Variants in CDC42BPG observed in about 807,000 individuals in gnomAD.
CDC42BPG encodes serine/threonine-protein kinase MRCK gamma.
Under a neutral mutation model 192.2 loss-of-function variants are expected in CDC42BPG, and 157 were observed. The ratio of observed to expected loss-of-function variants is 0.82; its 90% CI spans 0.72 to 0.93. The LOEUF (loss-of-function observed/expected upper bound fraction) is 0.93, where lower values mean the gene tolerates loss of function less well. Ranked by LOEUF, CDC42BPG falls within the 40% of genes least tolerant of loss-of-function variation. The probability of loss-of-function intolerance (pLI) is 0.00; values close to 1 mark genes in which losing one functional copy is unlikely to be tolerated. For missense variants in CDC42BPG, 1,992 were observed against 2,122.1 expected (o/e 0.94, Z 1.20); for synonymous variants, 981 against 918.5 (o/e 1.07, Z -1.23).
In CDC42BPG at chr11:64,826,657, G is replaced by A. The variant is rs1463977484; in HGVS notation, c.4513+14C>T. On this transcript the variant is annotated intron_variant, in intron 35 of 36. Transcript: ENST00000342711. ...TGGGGGGTGGCACACTGGAGGCTGA[G>A]GGGCTGCCCTTACTGGGGTCTGCGT... is the stretch of plus-strand genomic sequence containing the variant. The A allele has an allele frequency of 6.3e-7, 1 of 1,582,196 alleles. No individual in the cohort carries two copies. Among genetic ancestry groups the A allele is most frequent in the Non-Finnish European group, 8.6e-7 (1 of 1,163,726 alleles).
At position 64,831,738 on chromosome 11, in the gene CDC42BPG, C is replaced by A. The variant is rs1325174602; in HGVS notation, c.3088-17G>T. 2.5e-6 allele frequency: 4 copies of A among 1,569,876 alleles called. No individual in the cohort carries two copies. Among genetic ancestry groups the A allele is most frequent in the Middle Eastern group, 1.7e-4 (1 of 5,716 alleles). On this transcript the variant is annotated splice_polypyrimidine_tract_variant and intron_variant, in intron 27 of 36. Transcript: ENST00000342711. Reference sequence around the variant, plus strand: ...GGTTGTCACCTGTGGGCAAGGACCCCAGCTGGAGGGCCGTGGACCAGAGCC... The same window carrying A: ...GGTTGTCACCTGTGGGCAAGGACCCAAGCTGGAGGGCCGTGGACCAGAGCC...
rs370423505 is a variant in CDC42BPG, at chr11:64,826,505, G to C, written c.4564C>G (p.Gln1522Glu). The C allele has an allele frequency of 5.2e-5, 84 of 1,604,974 alleles. No individual in the cohort carries two copies. The African/African-American group carries it at 1.1e-3, about 20-fold the overall frequency. ...SLSSESVSCP[Q>E]GSLSPATSLM... ...GAGGTTGCAGGGCTCAGCGATCCCT[G>C]GGGGCAGGACACAGACTCGCTGGAC... is the stretch of plus-strand genomic sequence containing the variant. The change falls in exon 36 of 37, where the codon CAG becomes GAG. Residue 1522 changes from glutamine (Q) to glutamate (E), a missense_variant. Gln to Glu is a conservative substitution (Grantham distance 29, BLOSUM62 2). Around this residue, in one of 2 missense-constraint regions of CDC42BPG, gnomAD observed 336 missense variants for 277.9 expected, o/e 1.21. Transcript: ENST00000342711.
intron 1 of CDC42BPG, 81 bp from the exon 2 acceptor site, chr11:64,841,985 G>C (rs1359799361): frequency 7.7e-6 from 9 of 1,175,676 alleles, no homozygotes; most frequent in African/African-American, 1.5e-5. Flanking sequence ...GCCAGGAGCT[G>C]CCGCTCCTGT....
Position 64,839,557 on chromosome 11 carries a change from T to A in CDC42BPG, c.596A>T (p.Asp199Val). The A allele has an allele frequency of 6.2e-7, 1 of 1,612,448 alleles. No homozygotes were observed. Among genetic ancestry groups the A allele is most frequent in the African/African-American group, 1.3e-5 (1 of 75,066 alleles). ...LGYVHRDVKPDNVLLDVNGHI... is the reference protein window; with the variant it reads ...LGYVHRDVKPVNVLLDVNGHI... ...CCCGTTCACATCCAGCAGGACGTTG[T>A]CTGGCTTGACATCCCTGGGGGATGG... The change falls in exon 6 of 37, where the codon GAC becomes GTC. Residue 199 changes from aspartate (D) to valine (V), a missense_variant. By Grantham distance (152) the Asp-to-Val change is radical (BLOSUM62 -3). Coordinates refer to ENST00000342711, the MANE Select transcript of CDC42BPG (RefSeq NM_017525.3).
chr11:64,837,623 G>A (rs983601277), intron 9 of CDC42BPG, among the ~76,000 whole-genome samples: 5 of 152,286 alleles, frequency 3.3e-5, no homozygotes, highest in South Asian at 2.1e-4. Context: ...CACCACGCCC[G>A]GCTAATTTTT....
intron 28 of CDC42BPG, 76 bp downstream of exon 28, chr11:64,831,429 G>A (rs148677569): frequency 1.1e-5 from 15 of 1,334,180 alleles, no homozygotes; most frequent in African/African-American, 2.9e-5. Context: ...AGTAGCAGTG[G>A]CCCTTGGGAC....
At chr11:64,834,124 G>A (rs1239025501) in intron 20 of CDC42BPG, 142 bp downstream of exon 20, 5 of 1,396,030 alleles carry the variant, frequency 3.6e-6, no homozygotes, top group Non-Finnish European at 5.0e-6. Flanking sequence ...AGAAGTGCTG[G>A]TCACAGATGA....
At chr11:64,840,411 G>A (rs2136395065) in intron 4 of CDC42BPG, 142 bp downstream of exon 4, 2 of 1,396,012 alleles carry the variant, frequency 1.4e-6, no homozygotes, top group Non-Finnish European at 2.0e-6. Flanking sequence ...TCAGGCAGGA[G>A]GCGCCAAGCC....
Position 64,836,532 on chromosome 11 carries a change from T to C in CDC42BPG, c.1385-2A>G, listed in dbSNP as rs756898897. ...ATGAGGCCTTGTCCCTCAGCATCTCTGCCAGGAAGAGTCACTGAGACCTCG... is the reference window on the plus strand; with the variant it reads ...ATGAGGCCTTGTCCCTCAGCATCTCCGCCAGGAAGAGTCACTGAGACCTCG... On this transcript the variant is annotated splice_acceptor_variant, in intron 11 of 36. Coordinates refer to ENST00000342711, the MANE Select transcript of CDC42BPG (RefSeq NM_017525.3). LOFTEE classifies it high-confidence loss of function. 1.2e-6 allele frequency: 2 copies of C among 1,612,558 alleles called. No individual in the cohort carries two copies. The highest frequency in any genetic ancestry group is 3.3e-5 in the Admixed American group (2 of 60,000).
rs368841374 is a variant in CDC42BPG, at chr11:64,827,700, C to G, written c.4051G>C (p.Val1351Leu). 1.3e-5 allele frequency: 21 copies of G among 1,611,682 alleles called. No individual in the cohort carries two copies. Among genetic ancestry groups the G allele is most frequent in the Non-Finnish European group, 1.7e-5 (20 of 1,178,482 alleles). ...DVRRAEWVQT[V>L]PLKKVRPLNP... ...CGGACCCTCACCTTCTTGAGCGGCA[C>G]GGTCTGCACCCATTCTGCCCTCCTC... The change falls in exon 31 of 37, where the codon GTG (valine) becomes CTG (leucine). Residue 1351 changes from valine (V) to leucine (L), a missense_variant. Transcript: ENST00000342711.
intron 23 of CDC42BPG, 100 bp from the exon 24 acceptor site, chr11:64,833,436 C>T: frequency 1.1e-6 from 1 of 951,892 alleles, no homozygotes; most frequent in Non-Finnish European, 1.6e-6. Context: ...CAACAGTGAC[C>T]TCCGAGTCCC....
intron 3 of CDC42BPG, among the ~76,000 whole-genome samples, chr11:64,841,410 CCG>C (rs1162511824): frequency 6.6e-6 from 1 of 151,484 alleles, no homozygotes; most frequent in African/African-American, 2.4e-5. Flanking sequence ...CAAGATAGCA[CCG>C]TTGAACTCCA....
chr11:64,841,707 A>G lies in CDC42BPG; in HGVS notation c.279T>C (p.Thr93=), dbSNP rs766525185. The change falls in exon 3 of 37, where the codon ACT becomes ACC. Residue 93 remains threonine (T), a synonymous_variant. Transcript: ENST00000342711. ...GEVTVVRQRD[T]GQIFAMKMLH... is the part of the protein sequence containing the mutation. The stretch of plus-strand genomic sequence containing the variant: ...GCATTTTCATGGCAAAAATCTGCCC[A>G]GTGTCCCTCTGCCTCACCACGGTGA... 3 of 1,613,892 alleles carry G rather than the reference A, an allele frequency of 1.9e-6. No individual in the cohort carries two copies. The South Asian group carries it at 3.3e-5, about 18-fold the overall frequency.
At position 64,833,716 on chromosome 11, in the gene CDC42BPG, C is replaced by T. The variant is rs368276276; in HGVS notation, c.2565+22G>A. The T allele has an allele frequency of 3.4e-5, 55 of 1,613,706 alleles. No homozygotes were observed. The South Asian group carries it at 4.5e-4, about 13-fold the overall frequency. Reference sequence around the variant, plus strand: ...GCAAGGGCGGGGCCCAGGCCCCCTACGATGGACCCACCTGTCCTCACCCCC... The same window carrying T: ...GCAAGGGCGGGGCCCAGGCCCCCTATGATGGACCCACCTGTCCTCACCCCC... On this transcript the variant is annotated intron_variant, in intron 22 of 36. Coordinates refer to ENST00000342711, the MANE Select transcript of CDC42BPG (RefSeq NM_017525.3).
intron 32 of CDC42BPG, 30 bp downstream of exon 32, chr11:64,827,497 G>A (rs1196484072): frequency 5.0e-6 from 8 of 1,605,912 alleles, no homozygotes; most frequent in Non-Finnish European, 6.0e-6. Flanking sequence ...ACTGGGGAAC[G>A]CACACACCCG....
chr11:64,831,732 G>C lies in CDC42BPG; in HGVS notation c.3088-11C>G, dbSNP rs915916133. ...CTGGGAGGTTGTCACCTGTGGGCAA[G>C]GACCCCAGCTGGAGGGCCGTGGACC... On this transcript the variant is annotated splice_polypyrimidine_tract_variant and intron_variant, in intron 27 of 36. Coordinates refer to ENST00000342711, the MANE Select transcript of CDC42BPG (RefSeq NM_017525.3). The C allele has an allele frequency of 8.2e-6, 13 of 1,578,016 alleles. No homozygotes were observed. The highest frequency in any genetic ancestry group is 1.0e-5 in the Non-Finnish European group (12 of 1,165,852).
At chr11:64,833,562 T>G in intron 23 of CDC42BPG, 38 bp downstream of exon 23, 9 of 1,570,202 alleles carry the variant, frequency 5.7e-6, no homozygotes, top group Non-Finnish European at 7.8e-6. Context: ...GCAGAACTGC[T>G]TGGTGCCCCC....
At chr11:64,831,385 G>C in intron 28 of CDC42BPG, 120 bp downstream of exon 28, 2 of 925,234 alleles carry the variant, frequency 2.2e-6, no homozygotes, top group Admixed American at 4.6e-5. Context: ...CGTGGTGCAA[G>C]GCAGTCTGTG....
At chr11:64,836,873 C>T (rs1440713018) in intron 10 of CDC42BPG, 49 bp downstream of exon 10, 42 of 1,610,470 alleles carry the variant, frequency 2.6e-5, no homozygotes, top group Non-Finnish European at 3.5e-5. Flanking sequence ...CCCGCAGCAG[C>T]AGCCCCTAGG....
Sources: allele counts gnomAD v4.1 joint callset (sites outside exome capture counted in the v4.1 genomes callset), GRCh38; gene constraint gnomAD v4.1.1; regional missense constraint gnomAD v4.1.1; transcripts MANE v1.5; gene names NCBI Gene and HGNC (gene_info 2026-07-23, HGNC 2026-07-21).